UIMC1: variants seen among roughly 807,000 people sequenced by gnomAD.
UIMC1 encodes BRCA1-A complex subunit RAP80.
A neutral mutation model predicts 84.9 loss-of-function variants in UIMC1; 42 were observed. That is an observed-to-expected ratio of 0.49 (90% CI 0.39 to 0.64). UIMC1 has a LOEUF of 0.64. Ranked by LOEUF, UIMC1 falls within the 30% of genes least tolerant of loss-of-function variation. UIMC1 has a pLI of 0.00. For synonymous variants in UIMC1, 281 were observed against 293.0 expected (o/e 0.96, Z 0.42); for missense variants, 825 against 847.6 (o/e 0.97, Z 0.33).
chr5:176,922,779 A>G (rs907374106), intron 10 of UIMC1, among the ~76,000 whole-genome samples: 6 of 152,258 alleles, frequency 3.9e-5, no homozygotes, highest in African/African-American at 1.4e-4. Flanking sequence ...TATATTATCA[A>G]ATTGCTTAAA....
chr5:176,944,368 A>G (rs1478677859), intron 9 of UIMC1, among the ~76,000 whole-genome samples: 4 of 152,190 alleles, frequency 2.6e-5, no homozygotes, highest in Non-Finnish European at 5.9e-5. Context: ...AGTTGCTGGT[A>G]TCTCTTAAAG....
Position 176,968,622 on chromosome 5 carries a change from T to C in UIMC1, c.1133A>G (p.Glu378Gly). The C allele has an allele frequency of 6.2e-7, 1 of 1,613,680 alleles. No homozygotes were observed. ...CTCTTTCAAGCTTTTAATTGAGCTT[T>C]CCTGGAAATCCTTGGTTTTTGAGTG... is the stretch of plus-strand genomic sequence containing the variant. ...DWHSKTKDFQ[E>G]SSIKSLKEKL... The change falls in exon 6 of 15, where the codon GAA becomes GGA. Residue 378 changes from glutamate to glycine, a missense_variant. Coordinates refer to ENST00000511320, the MANE Select transcript of UIMC1 (RefSeq NM_001199298.2).
chr5:177,010,766 G>A (rs1775530509), upstream of UIMC1, among the ~76,000 whole-genome samples: 1 of 152,064 alleles, frequency 6.6e-6, no homozygotes, highest in Non-Finnish European at 1.5e-5. Flanking sequence ...CAGGTAAGCC[G>A]CCTGCCTCGG....
intron 11 of UIMC1, 50 bp from the exon 12 acceptor site, chr5:176,908,744 G>A (rs1227695245): frequency 6.4e-7 from 1 of 1,571,616 alleles, no homozygotes; most frequent in Non-Finnish European, 8.7e-7. Context: ...ATGTGCTTTT[G>A]CCTCTGGGCC....
intron 11 of UIMC1, among the ~76,000 whole-genome samples, chr5:176,910,888 C>T (rs1176207769): frequency 9.2e-5 from 14 of 151,844 alleles, no homozygotes; most frequent in Non-Finnish European, 7.4e-5. Flanking sequence ...GTCAGGAGTT[C>T]GAGACAGCCT....
chr5:176,926,330 G>C (rs1265470075), intron 10 of UIMC1, among the ~76,000 whole-genome samples: 19 of 151,998 alleles, frequency 1.3e-4, no homozygotes, highest in Non-Finnish European at 1.5e-5. Context: ...TTTTGTAGGA[G>C]AATGATCTTG....
At chr5:176,969,865 A>T in intron 4 of UIMC1, 159 bp from the exon 5 acceptor site, 1 of 642,012 alleles carries the variant, frequency 1.6e-6, no homozygotes, top group Non-Finnish European at 2.7e-6. Flanking sequence ...CTGAATGTCT[A>T]TGTGCAAAGT....
intron 9 of UIMC1, among the ~76,000 whole-genome samples, chr5:176,945,386 G>A (rs1227902042): frequency 6.6e-6 from 1 of 152,166 alleles, no homozygotes; most frequent in East Asian, 1.9e-4. Flanking sequence ...AGGCATGTAG[G>A]GAGACTCCCT....
At chr5:176,908,394 A>G in intron 12 of UIMC1, 129 bp downstream of exon 12, 1 of 949,852 alleles carries the variant, frequency 1.1e-6, no homozygotes, top group South Asian at 2.8e-5. Flanking sequence ...AAAAAGCACA[A>G]ATCTTGTTTC....
At chr5:177,001,734 T>A (rs1774494693) in intron 1 of UIMC1, among the ~76,000 whole-genome samples, 1 of 145,398 alleles carries the variant, frequency 6.9e-6, no homozygotes, top group Admixed American at 6.9e-5. Flanking sequence ...GGTCAGGAGA[T>A]CGAGACCATC....
At position 176,990,117 on chromosome 5, in the gene UIMC1, C is replaced by T. The variant is rs570646929; in HGVS notation, c.-8-7494G>A. Among the ~76,000 whole-genome samples the T allele has an allele frequency of 7.9e-5, 12 of 151,400 alleles. No individual in the cohort carries two copies. The East Asian group carries it at 2.1e-3, about 27-fold the overall frequency. ...AATGGCGTGAACCCGGGAGGTGGAG[C>T]TTGCAGTGAGCCGAGATCGAGCCAC... On this transcript the variant is annotated intron_variant, in intron 1 of 14. Coordinates refer to ENST00000511320, the MANE Select transcript of UIMC1 (RefSeq NM_001199298.2).
At chr5:176,968,527 C>T (rs2149482862) in intron 6 of UIMC1, 28 bp downstream of exon 6, 1 of 1,551,956 alleles carries the variant, frequency 6.4e-7, no homozygotes, top group Non-Finnish European at 8.7e-7. Context: ...AATAAATCAT[C>T]CTTAATTACA....
intron 9 of UIMC1, among the ~76,000 whole-genome samples, chr5:176,945,632 C>T (rs1019786826): frequency 2.6e-5 from 4 of 152,172 alleles, no homozygotes; most frequent in Non-Finnish European, 4.4e-5. Context: ...GAATGCGACC[C>T]TTGTGGGGAG....
rs7722173 is a variant in UIMC1 at position 176,957,682 on chromosome 5, T to A, written c.1262+411A>T. On this transcript the variant is annotated intron_variant, in intron 7 of 14. Coordinates refer to ENST00000511320, the MANE Select transcript of UIMC1 (RefSeq NM_001199298.2). ...GATGTATAAGGTTTAGATATACAGA[T>A]AAAATAAGCATAAGCAGAGTTGGGG... 2.6e-5 allele frequency among the ~76,000 whole-genome samples: 4 copies of A among 152,060 alleles called. No individual in the cohort carries two copies. In the South Asian group the frequency reaches 8.3e-4, roughly 32 times the overall value.
intron 3 of UIMC1, among the ~76,000 whole-genome samples, chr5:176,974,043 A>T (rs1267461854): frequency 6.6e-6 from 1 of 152,206 alleles, no homozygotes; most frequent in South Asian, 2.1e-4. Context: ...TGGGCGACAG[A>T]GTAGGACCCT....
intron 2 of UIMC1, among the ~76,000 whole-genome samples, chr5:176,977,376 G>A (rs1490465907): frequency 6.6e-6 from 1 of 151,908 alleles, no homozygotes; most frequent in East Asian, 1.9e-4. Context: ...AACTTCATCA[G>A]ATTGACATTT....
chr5:176,926,042 G>A (rs1028124127), intron 10 of UIMC1, among the ~76,000 whole-genome samples: 6 of 152,046 alleles, frequency 3.9e-5, no homozygotes, highest in African/African-American at 1.4e-4. Flanking sequence ...AGATATTAAT[G>A]GAATCTAAGT....
intron 1 of UIMC1, among the ~76,000 whole-genome samples, chr5:176,999,706 A>G (rs992229689): frequency 2.0e-5 from 3 of 152,042 alleles, no homozygotes; most frequent in Non-Finnish European, 4.4e-5. Context: ...CTCCAGTTTC[A>G]CCCATGTTGT....
At chr5:177,021,843 GT>G (rs1282824021) in intron 1 of UIMC1, among the ~76,000 whole-genome samples, 4 of 152,138 alleles carry the variant, frequency 2.6e-5, no homozygotes, top group African/African-American at 7.2e-5. Context: ...TAGAGACGGG[GT>G]TTCTCCATGT....
Sources: allele counts gnomAD v4.1 joint callset (sites outside exome capture counted in the v4.1 genomes callset), GRCh38; gene constraint gnomAD v4.1.1; transcripts MANE v1.5; gene names NCBI Gene and HGNC (gene_info 2026-07-23, HGNC 2026-07-21).